Variants in AFF2 observed in about 807,000 individuals in gnomAD.
The protein encoded by AFF2 is ALF transcription elongation factor 2.
Under a neutral mutation model 76.9 loss-of-function variants are expected in AFF2, and 14 were observed. The ratio of observed to expected loss-of-function variants is 0.18; its 90% CI spans 0.12 to 0.28. The LOEUF (loss-of-function observed/expected upper bound fraction) is 0.28. Ranked by LOEUF, AFF2 falls within the 10% of genes least tolerant of loss-of-function variation. The pLI, the probability that AFF2 is intolerant of heterozygous loss-of-function variation, is 1.00. For missense variants in AFF2, 868 were observed against 1,001.1 expected (o/e 0.87, Z 1.79); for synonymous variants, 398 against 366.7 (o/e 1.09, Z -0.98).
At chrX:148,596,831 A>G (rs2053577234) in intron 1 of AFF2, among the ~76,000 whole-genome samples, 1 of 112,443 alleles carries the variant, frequency 8.9e-6, no homozygotes, top group Non-Finnish European at 1.9e-5. Flanking sequence ...TTGCTCTAGG[A>G]TAAAAACTGT....
At chrX:148,617,408 T>G (rs1332563502) in intron 1 of AFF2, among the ~76,000 whole-genome samples, 1 of 112,160 alleles carries the variant, frequency 8.9e-6, no homozygotes, top group Non-Finnish European at 1.9e-5. Context: ...TCGCCCACTT[T>G]TTGATGGGGT....
chrX:148,764,977 G>T (rs1228354483), intron 3 of AFF2, among the ~76,000 whole-genome samples: 1 of 112,124 alleles, frequency 8.9e-6, no homozygotes, highest in Non-Finnish European at 1.9e-5. Flanking sequence ...TCATCTTGGG[G>T]CTTCATTAAT....
chrX:148,755,552 A>T (rs1318114664), intron 3 of AFF2, among the ~76,000 whole-genome samples: 1 of 112,212 alleles, frequency 8.9e-6, no homozygotes, highest in East Asian at 2.8e-4. Flanking sequence ...AGGTCACTGC[A>T]TATGTCCAGA....
chrX:148,501,857 G>A (rs2052357486), intron 1 of AFF2, among the ~76,000 whole-genome samples: 1 of 111,989 alleles, frequency 8.9e-6, no homozygotes, highest in African/African-American at 3.2e-5. Flanking sequence ...GACCCCCTTC[G>A]GCCTCCCACT....
rs369100046 is a variant in AFF2 at position 148,953,723 on chromosome X, G to C, written c.1541G>C (p.Arg514Pro). ...TTDSESNEAP[R>P]VATPEPEPPS... is the part of the protein sequence containing the mutation. ...GACAGCGAATCTAATGAGGCACCTC[G>C]TGTGGCAACTCCAGAGGTGAGTGAA... is the stretch of plus-strand genomic sequence containing the variant. Residue 514 changes from arginine (R) to proline (P), a missense_variant, in exon 10 of 21, where the codon CGT (arginine) becomes CCT (proline). Transcript: ENST00000370460. 16 of 1,206,484 alleles carry C rather than the reference G, an allele frequency of 1.3e-5. No homozygotes were observed. The highest frequency in any genetic ancestry group is 1.8e-5 in the Non-Finnish European group (16 of 893,952).
chrX:148,667,598 G>C (rs1464786483), intron 3 of AFF2, among the ~76,000 whole-genome samples: 2 of 111,900 alleles, frequency 1.8e-5, no homozygotes, highest in Admixed American at 1.9e-4. Context: ...TGGAAGGTGA[G>C]AGGCATATCT....
chrX:148,609,883 A>G (rs929729289), intron 1 of AFF2, among the ~76,000 whole-genome samples: 4 of 111,476 alleles, frequency 3.6e-5, no homozygotes, highest in Non-Finnish European at 7.6e-5. Context: ...TGAAAGGGGC[A>G]GCCTCTGAGC....
intron 1 of AFF2, among the ~76,000 whole-genome samples, chrX:148,509,694 C>A (rs145394006): frequency 8.9e-6 from 1 of 112,171 alleles, no homozygotes; most frequent in African/African-American, 3.2e-5. Context: ...GTTTCTTTTG[C>A]TCTTTCTCCT....
chrX:148,532,790 A>C (rs782422686), intron 1 of AFF2, among the ~76,000 whole-genome samples: 1 of 112,233 alleles, frequency 8.9e-6, no homozygotes, highest in Non-Finnish European at 1.9e-5. Flanking sequence ...GTGCACAATG[A>C]TTCTATCCAA....
At chrX:148,601,214 T>A (rs1210069701) in intron 1 of AFF2, among the ~76,000 whole-genome samples, 1 of 112,606 alleles carries the variant, frequency 8.9e-6, no homozygotes, top group Non-Finnish European at 1.9e-5. Context: ...ATTGTGAAAC[T>A]ACTTCTTACT....
At chrX:148,551,598 T>G (rs977219010) in intron 1 of AFF2, among the ~76,000 whole-genome samples, 1 of 110,050 alleles carries the variant, frequency 9.1e-6, no homozygotes, top group African/African-American at 3.3e-5. Flanking sequence ...AAAGTTTTGT[T>G]CTGGAGACCC....
At chrX:148,513,060 G>A (rs1425503697) in intron 1 of AFF2, among the ~76,000 whole-genome samples, 1 of 111,993 alleles carries the variant, frequency 8.9e-6, no homozygotes, top group African/African-American at 3.3e-5. Flanking sequence ...ATATCATTAG[G>A]AGTATATCAC....
At chrX:148,762,923 A>G (rs1270963611) in intron 3 of AFF2, among the ~76,000 whole-genome samples, 1 of 112,135 alleles carries the variant, frequency 8.9e-6, no homozygotes, top group Non-Finnish European at 1.9e-5. Flanking sequence ...AACAGGATTG[A>G]ACATGTAAAA....
Position 148,956,457 on chromosome X carries a change from G to C in AFF2, c.2412G>C (p.Lys804Asn). Residue 804 changes from lysine to asparagine, a missense_variant, in exon 11 of 21, where the codon AAG (lysine) becomes AAC (asparagine). By Grantham distance (94) the Lys-to-Asn change is moderately conservative. This residue lies in a region of AFF2 where 532 missense variants were observed against 564.2 expected (regional missense o/e 0.94). Transcript: ENST00000370460. ...DHENLKNLWV[K>N]IDLDLLSRVP... ...AGAACCTGAAAAACCTCTGGGTGAA[G>C]ATTGACCTTGACTTACTCTCTAGAG... 8.3e-7 allele frequency: 1 copy of C among 1,211,781 alleles called. No homozygotes were observed. Among genetic ancestry groups the C allele is most frequent in the Non-Finnish European group, 1.1e-6 (1 of 895,552 alleles).
chrX:148,990,263 G>T (rs1380766723), intron 20 of AFF2, among the ~76,000 whole-genome samples: 1 of 111,630 alleles, frequency 9.0e-6, no homozygotes, highest in Non-Finnish European at 1.9e-5. Flanking sequence ...CCCATGCATG[G>T]AAATCACTTT....
At position 148,997,285 on chromosome X, in the gene AFF2, ACACACACACACACACT is replaced by A. The variant is rs2072614195; in HGVS notation, c.*5968_*5983del. On this transcript the variant is annotated 3_prime_UTR_variant, in exon 21 of 21. Transcript: ENST00000370460. ...GTATATAATGAGGCTTTCATTAAAT[ACACACACACACACACT>A]CACACACACACACATACACTTTTTA... 1 of 95,993 alleles carries A rather than the reference ACACACACACACACACT, an allele frequency of 1.0e-5. No individual in the cohort carries two copies. Among genetic ancestry groups the A allele is most frequent in the South Asian group, 3.9e-4 (1 of 2,550 alleles). The allele number at this position is 95,993 out of a possible 1,213,427, so 7.9% of individuals were successfully genotyped here. A position where few individuals can be genotyped will look rare whatever the true frequency, so the allele number is the denominator to read the frequency against.
rs782501705 is a variant in AFF2 at position 148,983,151 on chromosome X, G to C, written c.3623+2361G>C. On this transcript the variant is annotated intron_variant, in intron 19 of 20. Coordinates refer to ENST00000370460, the MANE Select transcript of AFF2 (RefSeq NM_002025.4). ...CCAGATTTGCTGACTCTTGACACAG[G>C]GTTCTGGAATCCACATTGTGGAGAG... Among the ~76,000 whole-genome samples the C allele has an allele frequency of 9.8e-5, 11 of 112,027 alleles. No homozygotes were observed. In the South Asian group the frequency reaches 1.1e-3, roughly 12 times the overall value.
intron 9 of AFF2, among the ~76,000 whole-genome samples, chrX:148,921,016 A>G (rs782740927): frequency 1.8e-5 from 2 of 111,592 alleles, no homozygotes; most frequent in South Asian, 3.8e-4. Context: ...TCACCAGCCT[A>G]TCAATGGGGC....
chrX:148,744,944 T>C (rs964406891), intron 3 of AFF2, among the ~76,000 whole-genome samples: 8 of 111,143 alleles, frequency 7.2e-5, no homozygotes, highest in African/African-American at 2.6e-4. Flanking sequence ...AAGGATTCAA[T>C]GAAGATTCAG....
Sources: allele counts gnomAD v4.1 joint callset (sites outside exome capture counted in the v4.1 genomes callset), GRCh38; gene constraint gnomAD v4.1.1; regional missense constraint gnomAD v4.1.1; transcripts MANE v1.5; gene names NCBI Gene and HGNC (gene_info 2026-07-23, HGNC 2026-07-21).